Variants in TAF4 observed in about 807,000 individuals in gnomAD.
TAF4 encodes transcription initiation factor TFIID subunit 4.
In TAF4, 9 loss-of-function variants were observed where a neutral mutation model predicts 90.3. The ratio of observed to expected loss-of-function variants is 0.10; its 90% CI spans 0.06 to 0.17. The LOEUF is 0.17. Ranked by LOEUF, TAF4 falls within the 10% of genes least tolerant of loss-of-function variation. TAF4 has a pLI of 1.00. For missense variants in TAF4, 1,351 were observed against 1,370.7 expected, an observed-to-expected ratio of 0.99 and a Z score of 0.23; for synonymous variants, 818 against 638.9, an observed-to-expected ratio of 1.28 and a Z score of -4.23.
In TAF4 at chr20:62,052,243, T is replaced by C. The variant is rs374562845; in HGVS notation, c.1360+12208A>G. Among the ~76,000 whole-genome samples the C allele has an allele frequency of 3.1e-3, 386 of 126,238 alleles. 1 individual carries two copies. The highest frequency in any genetic ancestry group is 0.011 in the African/African-American group (352 of 33,264). The allele number at this position is 126,238 out of a possible 152,430, so 82.8% of individuals were successfully genotyped here. On this transcript the variant is annotated intron_variant, in intron 1 of 14. Transcript: ENST00000252996. ...CAACCTCCCCCTCCCGCCCCACCCATCCTCATCCAGCCTAACTCCCACCGA... is the reference window on the plus strand; with the variant it reads ...CAACCTCCCCCTCCCGCCCCACCCACCCTCATCCAGCCTAACTCCCACCGA...
chr20:62,044,500 A>G (rs1451793603), intron 1 of TAF4, among the ~76,000 whole-genome samples: 2 of 152,368 alleles, frequency 1.3e-5, no homozygotes, highest in East Asian at 1.9e-4. Flanking sequence ...CCAACACAAA[A>G]AAGGATCATT....
intron 1 of TAF4, among the ~76,000 whole-genome samples, chr20:62,052,116 A>G (rs1379053445): frequency 6.6e-6 from 1 of 152,112 alleles, no homozygotes; most frequent in African/African-American, 2.4e-5. Context: ...AGCACCGCAG[A>G]CGTGCCCAGG....
intron 1 of TAF4, among the ~76,000 whole-genome samples, chr20:62,038,806 A>G (rs1479362416): frequency 6.6e-6 from 1 of 152,202 alleles, no homozygotes; most frequent in Non-Finnish European, 1.5e-5. Context: ...TAATCCCAGC[A>G]CTTTGAGAGG....
chr20:62,055,901 C>A (rs1019216848), intron 1 of TAF4, among the ~76,000 whole-genome samples: 1 of 152,200 alleles, frequency 6.6e-6, no homozygotes, highest in Admixed American at 6.5e-5. Context: ...ACCCTGGTAC[C>A]CTCATCAGCC....
intron 1 of TAF4, among the ~76,000 whole-genome samples, chr20:62,029,806 T>C (rs751958551): frequency 9.2e-5 from 14 of 152,080 alleles, no homozygotes; most frequent in Non-Finnish European, 2.1e-4. Context: ...CTTGGGAGGC[T>C]GAGGCAAGAG....
chr20:61,991,892 A>AC (rs1254717202), intron 14 of TAF4, among the ~76,000 whole-genome samples: 3 of 152,084 alleles, frequency 2.0e-5, no homozygotes, highest in Non-Finnish European at 4.4e-5. Flanking sequence ...GGGAAGAAAA[A>AC]CACGTGGCCT....
Position 62,064,440 on chromosome 20 carries a change from C to A in TAF4, c.1360+11G>T, listed in dbSNP as rs1423115599. ...AGCCGCCCTTCCCTCCCGCCCCGTG[C>A]GGCCACTCACCTGGGGGCAGCTGGA... is the stretch of plus-strand genomic sequence containing the variant. On this transcript the variant is annotated intron_variant, in intron 1 of 14. Transcript: ENST00000252996. The A allele has an allele frequency of 5.8e-6, 8 of 1,374,650 alleles. No homozygotes were observed. Among genetic ancestry groups the A allele is most frequent in the South Asian group, 1.7e-5 (1 of 58,806 alleles). 85.2% of individuals were successfully genotyped at this position (1,374,650 alleles called of 1,614,324 possible). A position where few individuals can be genotyped will look rare whatever the true frequency, so the allele number is the denominator to read the frequency against.
chr20:62,047,328 C>A (rs942749263), intron 1 of TAF4, among the ~76,000 whole-genome samples: 1 of 152,172 alleles, frequency 6.6e-6, no homozygotes, highest in Non-Finnish European at 1.5e-5. Context: ...CCTGCACTGA[C>A]ACCCCTGAAA....
intron 1 of TAF4, among the ~76,000 whole-genome samples, chr20:62,027,936 C>T (rs1374124758): frequency 6.6e-6 from 1 of 152,250 alleles, no homozygotes; most frequent in Non-Finnish European, 1.5e-5. Context: ...CCCCTCACCT[C>T]GGCGGCCTAG....
chr20:61,980,740 C>T (rs1221255385), intron 14 of TAF4: 1 of 152,298 alleles, frequency 6.6e-6, no homozygotes, highest in African/African-American at 2.4e-5. Flanking sequence ...ACACCAGCAT[C>T]GCCGTCTGCA....
At chr20:62,056,832 A>C (rs1175558893) in intron 1 of TAF4, among the ~76,000 whole-genome samples, 3 of 152,218 alleles carry the variant, frequency 2.0e-5, no homozygotes, top group Non-Finnish European at 4.4e-5. Context: ...CATCAAAAAA[A>C]TCATGTTGAA....
chr20:62,033,201 G>A (rs907085950), intron 1 of TAF4, among the ~76,000 whole-genome samples: 3 of 152,290 alleles, frequency 2.0e-5, no homozygotes, highest in Middle Eastern at 3.4e-3. Flanking sequence ...GGTGGCCTCA[G>A]CCCCCAGCGG....
intron 1 of TAF4, among the ~76,000 whole-genome samples, chr20:62,021,656 C>T (rs1466262872): frequency 6.6e-6 from 1 of 152,204 alleles, no homozygotes; most frequent in Non-Finnish European, 1.5e-5. Context: ...GCTGTACAGG[C>T]AGGGCCATGT....
At chr20:62,007,781 C>T (rs112671807) in intron 5 of TAF4, 145 bp from the exon 6 acceptor site, 2 of 712,818 alleles carry the variant, frequency 2.8e-6, no homozygotes, top group Admixed American at 2.9e-5. Flanking sequence ...CTGCGTGCTA[C>T]ACCTTTCACA....
At chr20:61,995,201 C>T (rs1277967056) in intron 14 of TAF4, among the ~76,000 whole-genome samples, 2 of 152,048 alleles carry the variant, frequency 1.3e-5, no homozygotes, top group East Asian at 1.9e-4. Context: ...TGTGCAAGGC[C>T]GAGGAAAACA....
Position 61,979,883 on chromosome 20 carries a change from A to T in TAF4, c.3091-3548T>A, listed in dbSNP as rs553758684. On this transcript the variant is annotated intron_variant, in intron 14 of 14. Transcript: ENST00000252996. ...AGGGACTGCGGCCCGTGCAGGCGCGACGGCCACTCCAGAGGGACTGCGGCA... is the reference window on the plus strand; with the variant it reads ...AGGGACTGCGGCCCGTGCAGGCGCGTCGGCCACTCCAGAGGGACTGCGGCA... 1.6e-4 allele frequency among the ~76,000 whole-genome samples: 24 copies of T among 150,618 alleles called. No individual in the cohort carries two copies. The South Asian group carries it at 4.9e-3, about 30-fold the overall frequency.
Position 62,000,632 on chromosome 20 carries a change from A to G in TAF4, c.2576T>C (p.Leu859Ser). 1 of 1,614,290 alleles carries G rather than the reference A, an allele frequency of 6.2e-7. No homozygotes were observed. The highest frequency in any genetic ancestry group is 8.5e-7 in the Non-Finnish European group (1 of 1,180,048). ...SARILATNSE[L>S]VGTLTRSCKD... ...ACAGGACCGCGTTAGCGTGCCCACC[A>G]ATTCAGAGTTCGTGGCTAATATTCT... The change falls in exon 10 of 15, where the codon TTG (leucine) becomes TCG (serine). Residue 859 changes from leucine (L) to serine (S), a missense_variant. Physicochemically the swap from Leu to Ser is moderately radical, Grantham distance 145. This residue lies in a region of TAF4 where 95 missense variants were observed against 151.3 expected (regional missense o/e 0.63). Coordinates refer to ENST00000252996, the MANE Select transcript of TAF4 (RefSeq NM_003185.4).
chr20:62,047,172 T>A (rs2055998181), intron 1 of TAF4, among the ~76,000 whole-genome samples: 1 of 152,190 alleles, frequency 6.6e-6, no homozygotes, highest in African/African-American at 2.4e-5. Flanking sequence ...TCATCTATTC[T>A]TCGACAATTA....
Position 62,064,848 on chromosome 20 carries a change from G to A in TAF4, c.963C>T (p.Gly321=). 4.2e-6 allele frequency: 4 copies of A among 954,970 alleles called. No individual in the cohort carries two copies. Among genetic ancestry groups the A allele is most frequent in the Non-Finnish European group, 4.9e-6 (4 of 808,566 alleles). The allele number at this position is 954,970 out of a possible 1,614,324, so 59.2% of individuals were successfully genotyped here. A position where few individuals can be genotyped will look rare whatever the true frequency, so the allele number is the denominator to read the frequency against. Residue 321 remains glycine, a synonymous_variant, in exon 1 of 15, where the codon GGC becomes GGT. Transcript: ENST00000252996. ...CGGGTTGGCCGCTGACCCCCGCGGG[G>A]CCCCCGGCGGCCGGGGCGGGGGCGG... ...AAPAPAPAAG[G]PAGVSGQPGP... is the part of the protein sequence containing the mutation.
Sources: allele counts gnomAD v4.1 joint callset (sites outside exome capture counted in the v4.1 genomes callset), GRCh38; gene constraint gnomAD v4.1.1; regional missense constraint gnomAD v4.1.1; transcripts MANE v1.5; gene names NCBI Gene and HGNC (gene_info 2026-07-23, HGNC 2026-07-21).